SLC25A18: variants seen among roughly 807,000 people sequenced by gnomAD.
SLC25A18 encodes solute carrier family 25 member 18.
In SLC25A18, 24 loss-of-function variants were observed where a neutral mutation model predicts 31.1. The observed-to-expected ratio is 0.77, with a 90% confidence interval of 0.56 to 1.08. The LOEUF (loss-of-function observed/expected upper bound fraction) is 1.08, where lower values mean the gene tolerates loss of function less well. SLC25A18 is among the 50% of genes least tolerant of loss of function. The pLI is 0.00. For synonymous variants in SLC25A18, 173 were observed against 161.9 expected, an observed-to-expected ratio of 1.07 and a Z score of -0.52; for missense variants, 371 against 418.5, an observed-to-expected ratio of 0.89 and a Z score of 0.99.
intron 7 of SLC25A18, among the ~76,000 whole-genome samples, chr22:17,584,446 G>GGAAGGAAAGAGAGAGAGAGA (rs1205165235): frequency 8.6e-6 from 1 of 116,824 alleles, no homozygotes; most frequent in African/African-American, 3.4e-5. Context: ...AAGGAAGGAA[G>GGAAGGAAAGAGAGAGAGAGA]GAGAGAGAGA....
At chr22:17,583,326 C>A in intron 6 of SLC25A18, 90 bp from the exon 7 acceptor site, 2 of 1,542,780 alleles carry the variant, frequency 1.3e-6, no homozygotes, top group Non-Finnish European at 1.8e-6. Flanking sequence ...CGGGTGCCAT[C>A]CAGGGAAAGT....
intron 2 of SLC25A18, among the ~76,000 whole-genome samples, chr22:17,574,776 C>G (rs2057187812): frequency 6.7e-6 from 1 of 150,308 alleles, no homozygotes; most frequent in Non-Finnish European, 1.5e-5. Flanking sequence ...CACCCTCGGC[C>G]TCCCAGAATG....
intron 2 of SLC25A18, among the ~76,000 whole-genome samples, chr22:17,573,088 G>A (rs1282881226): frequency 2.0e-5 from 3 of 152,148 alleles, no homozygotes; most frequent in Non-Finnish European, 4.4e-5. Context: ...ACTCTAGCCT[G>A]GGCAACAGAG....
rs753981413 is a variant in SLC25A18, at chr22:17,583,501, C to T, written c.376C>T (p.Leu126Phe). Residue 126 changes from leucine (L) to phenylalanine (F), a missense_variant, in exon 7 of 11, where the codon CTC (leucine) becomes TTC (phenylalanine). Leu to Phe is a conservative substitution (Grantham distance 22, BLOSUM62 0). Transcript: ENST00000327451. ...CGTGGTGACCTGTCCCATGGAAATG[C>T]TCAAGATTCAGCTGCAGGATGCTGG... is the stretch of plus-strand genomic sequence containing the variant. ...QVVVTCPMEM[L>F]KIQLQDAGRL... 7.4e-6 allele frequency: 12 copies of T among 1,613,892 alleles called. 1 individual carries two copies. In the Admixed American group the frequency reaches 1.2e-4, roughly 16 times the overall value.
Position 17,589,645 on chromosome 22 carries a change from T to C in SLC25A18, c.786T>C (p.Ser262=). ...LKKGLGEDMY[S]GITDCARKLW... ...AAGGCCTGGGCGAGGACATGTACAG[T>C]GGGATCACCGACTGTGCCAGGTGAG... Residue 262 remains serine (S), a synonymous_variant, in exon 10 of 11, where the codon AGT becomes AGC. Transcript: ENST00000327451. 1.2e-6 allele frequency: 2 copies of C among 1,614,092 alleles called. No individual in the cohort carries two copies. The highest frequency in any genetic ancestry group is 1.7e-6 in the Non-Finnish European group (2 of 1,180,008).
At chr22:17,588,869 G>A (rs937489758) in intron 9 of SLC25A18, 3 of 151,026 alleles carry the variant, frequency 2.0e-5, no homozygotes, top group Admixed American at 1.3e-4. Context: ...AGACCAGCCT[G>A]GGCAACAAAG....
intron 2 of SLC25A18, among the ~76,000 whole-genome samples, chr22:17,575,093 C>T (rs2057199832): frequency 6.6e-6 from 1 of 151,964 alleles, no homozygotes; most frequent in Non-Finnish European, 1.5e-5. Context: ...CTCAGGTGAT[C>T]CACCTGCCTC....
At chr22:17,565,905 C>T (rs185141979) in intron 1 of SLC25A18, among the ~76,000 whole-genome samples, 5 of 152,166 alleles carry the variant, frequency 3.3e-5, no homozygotes, top group Admixed American at 6.5e-5. Context: ...GTTTCCCAGG[C>T]TGGTCTCAAA....
At position 17,572,563 on chromosome 22, in the gene SLC25A18, G is replaced by T. The variant is rs571810952; in HGVS notation, c.-201+2577G>T. The stretch of plus-strand genomic sequence containing the variant: ...AATCCCAGCACTTTGAGTGGTTGAG[G>T]TGGGATTACTGTTTGAGCCCAGGCA... On this transcript the variant is annotated intron_variant, in intron 2 of 10. Coordinates refer to ENST00000327451, the MANE Select transcript of SLC25A18 (RefSeq NM_031481.3). Among the ~76,000 whole-genome samples, 13 of 152,122 alleles carry T rather than the reference G, an allele frequency of 8.5e-5. No homozygotes were observed. In the East Asian group the frequency reaches 2.5e-3, roughly 29 times the overall value.
chr22:17,582,754 G>A, intron 6 of SLC25A18, 101 bp downstream of exon 6: 1 of 1,036,530 alleles, frequency 9.6e-7, no homozygotes, highest in Non-Finnish European at 1.4e-6. Flanking sequence ...CTGCCTGCAT[G>A]CATATAAATA....
intron 1 of SLC25A18, chr22:17,569,547 C>A: frequency 1.1e-6 from 1 of 934,768 alleles, no homozygotes; most frequent in Non-Finnish European, 1.3e-6. Flanking sequence ...AAATGTCTTG[C>A]AAAAGTGTTT....
In SLC25A18 at chr22:17,590,568, T is replaced by C; in HGVS notation, c.*332T>C. 4.5e-6 allele frequency: 1 copy of C among 222,300 alleles called. No homozygotes were observed. The highest frequency in any genetic ancestry group is 1.1e-4 in the South Asian group (1 of 9,108). 13.8% of individuals were successfully genotyped at this position (222,300 alleles called of 1,614,324 possible). On this transcript the variant is annotated 3_prime_UTR_variant, in exon 11 of 11. Transcript: ENST00000327451. ...CACAATAGAAGGGTTGTTTCTGTAT[T>C]TTAACATTTCTATTTCACAGTCAAA... is the stretch of plus-strand genomic sequence containing the variant.
chr22:17,571,138 C>G (rs1238291359), intron 2 of SLC25A18, among the ~76,000 whole-genome samples: 1 of 152,208 alleles, frequency 6.6e-6, no homozygotes, highest in African/African-American at 2.4e-5. Context: ...GGAGCCTGTC[C>G]CGAGAGCCGT....
chr22:17,585,984 C>A (rs2057539511), intron 7 of SLC25A18, among the ~76,000 whole-genome samples: 1 of 152,042 alleles, frequency 6.6e-6, no homozygotes, highest in Non-Finnish European at 1.5e-5. Context: ...GGTATAACTC[C>A]ATTCTAATGA....
intron 7 of SLC25A18, among the ~76,000 whole-genome samples, chr22:17,584,989 T>G (rs2057502390): frequency 6.6e-6 from 1 of 151,718 alleles, no homozygotes; most frequent in African/African-American, 2.4e-5. Flanking sequence ...GGAGTGGTGT[T>G]GGTTCAGCGT....
intron 2 of SLC25A18, among the ~76,000 whole-genome samples, chr22:17,572,252 G>A (rs1337970184): frequency 3.9e-5 from 6 of 152,022 alleles, no homozygotes; most frequent in Non-Finnish European, 5.9e-5. Flanking sequence ...GGGAGGCCAA[G>A]GTGGGCGGAT....
At chr22:17,570,146 G>A (rs1196367278) in intron 2 of SLC25A18, 160 bp downstream of exon 2, 12 of 316,218 alleles carry the variant, frequency 3.8e-5, no homozygotes, top group African/African-American at 6.8e-5. Flanking sequence ...GGAAGTGGCC[G>A]CCCCTGACCA....
intron 9 of SLC25A18, chr22:17,588,723 C>T (rs1043233786): frequency 1.3e-5 from 2 of 152,150 alleles, no homozygotes; most frequent in African/African-American, 4.8e-5. Flanking sequence ...CAATGCTTCC[C>T]TCCGTGTTAG....
At chr22:17,566,643 C>G (rs1255247864) in intron 1 of SLC25A18, among the ~76,000 whole-genome samples, 1 of 152,148 alleles carries the variant, frequency 6.6e-6, no homozygotes, top group African/African-American at 2.4e-5. Context: ...AACTCCCAAC[C>G]TCAGGTGATC....
Sources: gnomAD v4.1 joint callset for allele counts (sites outside exome capture counted in the v4.1 genomes callset) on GRCh38, gnomAD v4.1.1 for gene constraint, MANE v1.5 for transcripts, NCBI Gene and HGNC (gene_info 2026-07-23, HGNC 2026-07-21) for gene names.